The following ZNF652 variants were observed in gnomAD, a reference collection of about 807,000 sequenced individuals.
ZNF652 encodes zinc finger protein 652.
Under a neutral mutation model 45.2 loss-of-function variants are expected in ZNF652, and 16 were observed. That is an observed-to-expected ratio of 0.35 (90% confidence interval 0.24 to 0.54). ZNF652 has a LOEUF of 0.54. Among genes scored for constraint, ZNF652 ranks in the 20% least tolerant of loss-of-function variants. ZNF652 has a pLI of 0.91. For missense variants in ZNF652, 614 were observed against 765.6 expected, an observed-to-expected ratio of 0.80 and a Z score of 2.34; for synonymous variants, 250 against 260.6, an observed-to-expected ratio of 0.96 and a Z score of 0.39.
intron 1 of ZNF652, among the ~76,000 whole-genome samples, chr17:49,360,191 G>A (rs1037962274): frequency 6.6e-6 from 1 of 152,184 alleles, no homozygotes; most frequent in East Asian, 1.9e-4. Context: ...AAAACACAAG[G>A]TTACATGCAT....
chr17:49,318,138 C>G (rs1374673767), intron 1 of ZNF652, among the ~76,000 whole-genome samples, 155 bp from the exon 2 acceptor site: 1 of 152,088 alleles, frequency 6.6e-6, no homozygotes, highest in African/African-American at 2.4e-5. Flanking sequence ...GAGTGCAGTA[C>G]GCAATCTTGG....
At chr17:49,324,428 T>C (rs1395145444) in intron 1 of ZNF652, among the ~76,000 whole-genome samples, 1 of 152,162 alleles carries the variant, frequency 6.6e-6, no homozygotes, top group Non-Finnish European at 1.5e-5. Context: ...GTCTCACCTG[T>C]CACCCAGGCT....
intron 2 of ZNF652, among the ~76,000 whole-genome samples, chr17:49,313,212 G>C (rs961960569): frequency 2.6e-5 from 4 of 152,166 alleles, no homozygotes; most frequent in African/African-American, 9.7e-5. Context: ...CCGGAGTGCA[G>C]TGGCGCGATC....
At chr17:49,330,953 T>C (rs1215313747) in intron 1 of ZNF652, among the ~76,000 whole-genome samples, 1 of 151,104 alleles carries the variant, frequency 6.6e-6, no homozygotes, top group East Asian at 2.0e-4. Context: ...GACACATGCC[T>C]GTAATCCCAG....
At chr17:49,355,733 A>G (rs1341184830) in intron 1 of ZNF652, among the ~76,000 whole-genome samples, 1 of 151,912 alleles carries the variant, frequency 6.6e-6, no homozygotes. Flanking sequence ...CCCCGTCTCT[A>G]CTAAAAATAC....
chr17:49,311,174 A>T, intron 5 of ZNF652, 138 bp downstream of exon 5: 1 of 830,978 alleles, frequency 1.2e-6, no homozygotes, highest in Non-Finnish European at 1.8e-6. Flanking sequence ...CTATATTTTT[A>T]CATATTAGGT....
chr17:49,305,391 G>A (rs2143733174), intron 5 of ZNF652, among the ~76,000 whole-genome samples: 1 of 152,106 alleles, frequency 6.6e-6, no homozygotes, highest in African/African-American at 2.4e-5. Flanking sequence ...AGGTTGCAGT[G>A]AGCTGAGATC....
At chr17:49,352,201 C>T (rs1567700804) in intron 1 of ZNF652, among the ~76,000 whole-genome samples, 1 of 151,920 alleles carries the variant, frequency 6.6e-6, no homozygotes, top group Non-Finnish European at 1.5e-5. Context: ...ATATATACTA[C>T]TAATAGTGTT....
chr17:49,336,762 G>T (rs1598307240), intron 1 of ZNF652, among the ~76,000 whole-genome samples: 1 of 151,746 alleles, frequency 6.6e-6, no homozygotes, highest in Non-Finnish European at 1.5e-5. Context: ...GAGTTGCCGG[G>T]ATTACAGGCG....
intron 1 of ZNF652, among the ~76,000 whole-genome samples, chr17:49,351,044 CACACACACACAT>C (rs1011917561): frequency 1.3e-4 from 17 of 126,134 alleles, no homozygotes; most frequent in East Asian, 4.5e-4. Flanking sequence ...CACACACACA[CACACACACACAT>C]ATTTTTATAT....
At chr17:49,351,447 C>G (rs1192063692) in intron 1 of ZNF652, among the ~76,000 whole-genome samples, 1 of 152,020 alleles carries the variant, frequency 6.6e-6, no homozygotes, top group Non-Finnish European at 1.5e-5. Flanking sequence ...CATACAGACA[C>G]AGGCATACTG....
chr17:49,325,004 G>A (rs1376112781), intron 1 of ZNF652, among the ~76,000 whole-genome samples: 3 of 151,980 alleles, frequency 2.0e-5, no homozygotes, highest in Non-Finnish European at 4.4e-5. Context: ...GCCTCCCAAA[G>A]TGCTGGGATT....
chr17:49,315,539 TA>T (rs2069790233), intron 2 of ZNF652, among the ~76,000 whole-genome samples: 2 of 147,814 alleles, frequency 1.4e-5, no homozygotes, highest in Non-Finnish European at 3.0e-5. Context: ...ATGTTTTCTG[TA>T]ACTTAAACAG....
At chr17:49,344,158 G>T (rs559387201) in intron 1 of ZNF652, among the ~76,000 whole-genome samples, 1 of 151,724 alleles carries the variant, frequency 6.6e-6, no homozygotes, top group Non-Finnish European at 1.5e-5. Flanking sequence ...CCGAGATCGT[G>T]CCACTGCACT....
rs2069378328 is a variant in ZNF652, at chr17:49,289,594, C to G, written c.*8819G>C. On this transcript the variant is annotated 3_prime_UTR_variant, in exon 6 of 6. Coordinates refer to ENST00000430262, the MANE Select transcript of ZNF652 (RefSeq NM_001145365.3). ...ATTCAGGAGCGGAGCTCAGTTCCAC[C>G]TCACTGCAGTTCCCTGGGGCCAAGC... The G allele has an allele frequency of 6.6e-6, 1 of 152,276 alleles. No individual in the cohort carries two copies. The allele number at this position is 152,276 out of a possible 1,614,324, so 9.4% of individuals were successfully genotyped here. A position where few individuals can be genotyped will look rare whatever the true frequency, so the allele number is the denominator to read the frequency against.
chr17:49,355,773 CTG>C (rs2070329855), intron 1 of ZNF652, among the ~76,000 whole-genome samples: 1 of 151,978 alleles, frequency 6.6e-6, no homozygotes, highest in Admixed American at 6.6e-5. Flanking sequence ...TGGCGGGCAC[CTG>C]TAATCCCAGC....
At chr17:49,332,011 T>C (rs972479554) in intron 1 of ZNF652, among the ~76,000 whole-genome samples, 4 of 151,332 alleles carry the variant, frequency 2.6e-5, no homozygotes, top group African/African-American at 9.7e-5. Context: ...AGGCTGGGCA[T>C]GGTGGCTCAC....
At position 49,298,933 on chromosome 17, in the gene ZNF652, A is replaced by G; in HGVS notation, c.1310-9T>C. Reference sequence around the variant, plus strand: ...GATAAAGGGTTTCTCTCCTGAGATGAACACAGACATAAAAATGATTAACAT... The same window carrying G: ...GATAAAGGGTTTCTCTCCTGAGATGGACACAGACATAAAAATGATTAACAT... On this transcript the variant is annotated splice_polypyrimidine_tract_variant and intron_variant, in intron 5 of 5. Coordinates refer to ENST00000430262, the MANE Select transcript of ZNF652 (RefSeq NM_001145365.3). The G allele has an allele frequency of 6.3e-7, 1 of 1,597,160 alleles. No homozygotes were observed. The highest frequency in any genetic ancestry group is 8.5e-7 in the Non-Finnish European group (1 of 1,172,002).
chr17:49,341,489 C>CAA (rs754847307), intron 1 of ZNF652, among the ~76,000 whole-genome samples: 29,491 of 81,516 alleles, frequency 0.36, 6,025 homozygotes, highest in Non-Finnish European at 0.44. Flanking sequence ...CTCATCTCTA[C>CAA]AAAAAAAAAA....
Sources: gnomAD v4.1 joint callset for allele counts (sites outside exome capture counted in the v4.1 genomes callset) on GRCh38, gnomAD v4.1.1 for gene constraint, MANE v1.5 for transcripts, NCBI Gene and HGNC (gene_info 2026-07-23, HGNC 2026-07-21) for gene names.